Variants in HMCN1 observed in about 807,000 individuals in gnomAD.
The protein encoded by HMCN1 is hemicentin-1.
HMCN1 carries 321 observed loss-of-function variants against 625.9 expected under a neutral mutation model. The observed-to-expected ratio is 0.51, with a 90% CI of 0.47 to 0.56. HMCN1 has a LOEUF of 0.56. Ranked by LOEUF, HMCN1 falls within the 20% of genes least tolerant of loss-of-function variation. The pLI is 0.00. For missense variants in HMCN1, 6,588 were observed against 6,887.3 expected (o/e 0.96, Z 1.54); for synonymous variants, 2,425 against 2,417.6 (o/e 1.00, Z -0.09).
In HMCN1 at chr1:186,015,341, A is replaced by G. The variant is rs1033292422; in HGVS notation, c.4813A>G (p.Ile1605Val). Reference protein sequence around the residue: ...LYIDKGQYLHIPRAQVSDSAT... With the variant: ...LYIDKGQYLHVPRAQVSDSAT... The stretch of plus-strand genomic sequence containing the variant: ...TATTGATAAAGGACAATATCTTCAT[A>G]TTCCTCGAGCACAGGTCTCTGATTC... The change falls in exon 31 of 107, where the codon ATT (isoleucine) becomes GTT (valine). Residue 1605 changes from isoleucine to valine, a missense_variant. Ile to Val is a conservative substitution (Grantham distance 29, BLOSUM62 3). This residue lies in a region of HMCN1 where 4,628 missense variants were observed against 4,853.1 expected (regional missense o/e 0.95). Transcript: ENST00000271588. The G allele has an allele frequency of 6.2e-7, 1 of 1,613,784 alleles. No individual in the cohort carries two copies. Among genetic ancestry groups the G allele is most frequent in the South Asian group, 1.1e-5 (1 of 91,080 alleles).
At chr1:185,873,483 C>G (rs1419491891) in intron 4 of HMCN1, among the ~76,000 whole-genome samples, 1 of 151,972 alleles carries the variant, frequency 6.6e-6, no homozygotes, top group African/African-American at 2.4e-5. Flanking sequence ...TGAAGTTTAC[C>G]CATTGGGAAC....
intron 4 of HMCN1, among the ~76,000 whole-genome samples, chr1:185,890,116 C>A (rs1664959980): frequency 6.6e-6 from 1 of 151,786 alleles, no homozygotes. Context: ...TTGTAGTATT[C>A]TCTGATGGTA....
Position 185,994,839 on chromosome 1 carries a change from C to A in HMCN1, c.3530C>A (p.Pro1177His). Residue 1177 changes from proline (P) to histidine (H), a missense_variant, in exon 24 of 107, where the codon CCT becomes CAT. Transcript: ENST00000271588. ...GTTCCTCCAAAGATACAGCGTGGACCTAAACATCTCAAAGTCCAAGTTGGT... is the reference window on the plus strand; with the variant it reads ...GTTCCTCCAAAGATACAGCGTGGACATAAACATCTCAAAGTCCAAGTTGGT... ...VHVPPKIQRGPKHLKVQVGQR... is the reference protein window; with the variant it reads ...VHVPPKIQRGHKHLKVQVGQR... 2 of 1,613,530 alleles carry A rather than the reference C, an allele frequency of 1.2e-6. No individual in the cohort carries two copies. Among genetic ancestry groups the A allele is most frequent in the Non-Finnish European group, 1.7e-6 (2 of 1,179,542 alleles).
rs760678057 is a variant in HMCN1 at position 185,997,542 on chromosome 1, A to G, written c.3874+18A>G. On this transcript the variant is annotated intron_variant, in intron 25 of 106. Coordinates refer to ENST00000271588, the MANE Select transcript of HMCN1 (RefSeq NM_031935.3). Reference sequence around the variant, plus strand: ...TGCAAAAGGTACGTAATACTGAAAGATATAGGCATTGGCATAATGTTATAT... The same window carrying G: ...TGCAAAAGGTACGTAATACTGAAAGGTATAGGCATTGGCATAATGTTATAT... The G allele has an allele frequency of 1.3e-5, 19 of 1,504,368 alleles. No homozygotes were observed. The Admixed American group carries it at 3.2e-4, about 25-fold the overall frequency. 93.2% of individuals were successfully genotyped at this position (1,504,368 alleles called of 1,614,324 possible). A position where few individuals can be genotyped will look rare whatever the true frequency, so the allele number is the denominator to read the frequency against.
At position 186,115,371 on chromosome 1, in the gene HMCN1, A is replaced by G. The variant is rs140420562; in HGVS notation, c.11518A>G (p.Asn3840Asp). The change falls in exon 75 of 107, where the codon AAT (asparagine) becomes GAT (aspartate). Residue 3840 changes from asparagine to aspartate, a missense_variant. Asn to Asp is a conservative substitution (Grantham distance 23, BLOSUM62 1). Around this residue, in one of 3 missense-constraint regions of HMCN1, gnomAD observed 4,628 missense variants for 4,853.1 expected, o/e 0.95. Transcript: ENST00000271588. ...AAAACCATCAATCAATTGGAGAAAAAATGGGCATCTTCTTAATGTGGATCA... is the reference window on the plus strand; with the variant it reads ...AAAACCATCAATCAATTGGAGAAAAGATGGGCATCTTCTTAATGTGGATCA... ...IPKPSINWRK[N>D]GHLLNVDQNQ... 3.7e-6 allele frequency: 6 copies of G among 1,613,956 alleles called. No individual in the cohort carries two copies. In the African/African-American group the frequency reaches 8.0e-5, roughly 22 times the overall value.
At chr1:186,140,040 A>G (rs1157553680) in intron 89 of HMCN1, among the ~76,000 whole-genome samples, 1 of 152,230 alleles carries the variant, frequency 6.6e-6, no homozygotes, top group African/African-American at 2.4e-5. Context: ...ATGTAACACT[A>G]TCTAGGTGAA....
At chr1:185,861,091 T>A (rs750298278) in intron 2 of HMCN1, among the ~76,000 whole-genome samples, 2 of 152,158 alleles carry the variant, frequency 1.3e-5, no homozygotes, top group Non-Finnish European at 2.9e-5. Context: ...TGGAGTCCTT[T>A]CAAGGATTCT....
chr1:185,746,922 G>A (rs965488576), intron 1 of HMCN1, among the ~76,000 whole-genome samples: 2 of 151,810 alleles, frequency 1.3e-5, no homozygotes, highest in Admixed American at 1.3e-4. Flanking sequence ...TTCCTTTTTC[G>A]TGAGGACACC....
At chr1:185,796,070 G>A (rs1384342886) in intron 1 of HMCN1, among the ~76,000 whole-genome samples, 2 of 152,222 alleles carry the variant, frequency 1.3e-5, no homozygotes, top group Non-Finnish European at 2.9e-5. Flanking sequence ...TACATCAGCG[G>A]TCCTCAAACT....
At chr1:185,823,674 A>G (rs1660336276) in intron 1 of HMCN1, among the ~76,000 whole-genome samples, 1 of 152,208 alleles carries the variant, frequency 6.6e-6, no homozygotes, top group Admixed American at 6.5e-5. Flanking sequence ...ATGCCAGAAG[A>G]TAGACATGAA....
intron 15 of HMCN1, among the ~76,000 whole-genome samples, chr1:185,973,694 AC>A: frequency 6.6e-6 from 1 of 152,162 alleles, no homozygotes; most frequent in South Asian, 2.1e-4. Flanking sequence ...TAAATTATGG[AC>A]ATTTCAGGTC....
intron 85 of HMCN1, among the ~76,000 whole-genome samples, chr1:186,131,534 T>A (rs1661933097): frequency 6.6e-6 from 1 of 152,142 alleles, no homozygotes; most frequent in Non-Finnish European, 1.5e-5. Context: ...ACTCTTCCAT[T>A]TCCAGCTGTT....
intron 1 of HMCN1, among the ~76,000 whole-genome samples, chr1:185,809,092 G>A (rs2102241360): frequency 6.6e-6 from 1 of 152,176 alleles, no homozygotes; most frequent in Admixed American, 6.5e-5. Flanking sequence ...TCTCCCAAAG[G>A]ACATATAAGC....
Position 186,001,344 on chromosome 1 carries a change from G to A in HMCN1, c.4116G>A (p.Val1372=). 2 of 1,611,996 alleles carry A rather than the reference G, an allele frequency of 1.2e-6. No homozygotes were observed. Among genetic ancestry groups the A allele is most frequent in the Non-Finnish European group, 1.7e-6 (2 of 1,178,450 alleles). Residue 1372 remains valine, a synonymous_variant, in exon 27 of 107, where the codon GTG becomes GTA. Transcript: ENST00000271588. The part of the protein sequence containing the change: ...KDKEQVTNVS[V]LLNQLTNLFC... ...AAGAACAAGTTACAAATGTGTCGGTGTTGTTAAATCAGCTGACCAATCTCT... is the reference window on the plus strand; with the variant it reads ...AAGAACAAGTTACAAATGTGTCGGTATTGTTAAATCAGCTGACCAATCTCT...
At chr1:185,958,580 T>C (rs1649787240) in intron 11 of HMCN1, among the ~76,000 whole-genome samples, 1 of 152,224 alleles carries the variant, frequency 6.6e-6, no homozygotes, top group South Asian at 2.1e-4. Flanking sequence ...AGAGGAATAC[T>C]GCTAATAATA....
At chr1:185,820,419 G>A (rs1660115509) in intron 1 of HMCN1, among the ~76,000 whole-genome samples, 1 of 151,912 alleles carries the variant, frequency 6.6e-6, no homozygotes, top group Admixed American at 6.6e-5. Flanking sequence ...TTAAAACTGG[G>A]TCTTCAAAAT....
rs765103604 is a variant in HMCN1, at chr1:186,145,824, C to T, written c.14509C>T (p.Arg4837Trp). The change falls in exon 93 of 107, where the codon CGG (arginine) becomes TGG (tryptophan). Residue 4837 changes from arginine (R) to tryptophan (W), a missense_variant. Around this residue, in one of 3 missense-constraint regions of HMCN1, gnomAD observed 1,954 missense variants for 2,013.1 expected, o/e 0.97. Transcript: ENST00000271588. ...SASCGGGEKTRKRLCDHPVPV... is the reference protein window; with the variant it reads ...SASCGGGEKTWKRLCDHPVPV... ...CTCCTGTGGAGGAGGTGAAAAGACT[C>T]GGAAGCGGCTGTGCGACCATCCTGT... The T allele has an allele frequency of 7.4e-6, 12 of 1,613,938 alleles. 1 individual carries two copies. The highest frequency in any genetic ancestry group is 3.3e-5 in the Admixed American group (2 of 59,994).
At chr1:185,891,399 G>C (rs1237482634) in intron 4 of HMCN1, among the ~76,000 whole-genome samples, 10 of 148,108 alleles carry the variant, frequency 6.8e-5, no homozygotes, top group South Asian at 2.1e-4. Flanking sequence ...GCAGTTTCTT[G>C]CTAGTCTCGA....
chr1:185,873,089 T>C (rs1053907756), intron 4 of HMCN1, among the ~76,000 whole-genome samples: 4 of 152,154 alleles, frequency 2.6e-5, no homozygotes, highest in Non-Finnish European at 5.9e-5. Context: ...AGTTGCATGC[T>C]TTCAACAGGA....
Sources: allele counts gnomAD v4.1 joint callset (sites outside exome capture counted in the v4.1 genomes callset), GRCh38; gene constraint gnomAD v4.1.1; regional missense constraint gnomAD v4.1.1; transcripts MANE v1.5; gene names NCBI Gene and HGNC (gene_info 2026-07-23, HGNC 2026-07-21).